DCLK2: variants seen among roughly 807,000 people sequenced by gnomAD.
The protein encoded by DCLK2 is doublecortin like kinase 2.
Under a neutral mutation model 78.4 loss-of-function variants are expected in DCLK2, and 31 were observed. The observed-to-expected ratio is 0.40, with a 90% CI of 0.30 to 0.53. The LOEUF (loss-of-function observed/expected upper bound fraction) is 0.53. Among genes scored for constraint, DCLK2 ranks in the 20% least tolerant of loss-of-function variants. The pLI is 0.61. For synonymous variants in DCLK2, 407 were observed against 374.9 expected, an observed-to-expected ratio of 1.09 and a Z score of -0.99; for missense variants, 872 against 973.7, an observed-to-expected ratio of 0.90 and a Z score of 1.39.
chr4:150,184,266 T>C (rs187157457), intron 2 of DCLK2, among the ~76,000 whole-genome samples: 11 of 152,308 alleles, frequency 7.2e-5, no homozygotes, highest in Non-Finnish European at 1.3e-4. Context: ...GAAGATTTCT[T>C]TGAGGACATG....
intron 7 of DCLK2, among the ~76,000 whole-genome samples, chr4:150,222,886 A>G (rs887766494): frequency 6.6e-6 from 1 of 151,912 alleles, no homozygotes; most frequent in Non-Finnish European, 1.5e-5. Context: ...AAAAAATCAC[A>G]ATCAGCCTAC....
chr4:150,253,162 G>C (rs1164672623), intron 15 of DCLK2: 2 of 472,968 alleles, frequency 4.2e-6, no homozygotes, highest in African/African-American at 4.0e-5. Context: ...CTTCGGAACA[G>C]TTTTAAGTGT....
chr4:150,191,353 A>G (rs6535720), intron 2 of DCLK2, among the ~76,000 whole-genome samples: 133,106 of 151,720 alleles, frequency 0.88, 58,775 homozygotes, highest in Middle Eastern at 0.96. Flanking sequence ...ACCCTTGCAA[A>G]CAGAAATGAC....
chr4:150,183,401 C>CAATAA (rs1737672615), intron 2 of DCLK2, among the ~76,000 whole-genome samples: 1 of 152,086 alleles, frequency 6.6e-6, no homozygotes, highest in Admixed American at 6.6e-5. Context: ...TCAAATCATC[C>CAATAA]TGAAATAATA....
chr4:150,141,109 T>C (rs1420274755), intron 2 of DCLK2, among the ~76,000 whole-genome samples: 4 of 152,214 alleles, frequency 2.6e-5, no homozygotes, highest in Non-Finnish European at 2.9e-5. Flanking sequence ...TGGCATGGCA[T>C]TTCCTTAGCC....
chr4:150,220,964 A>G (rs1741144676), intron 6 of DCLK2, among the ~76,000 whole-genome samples, 186 bp downstream of exon 6: 1 of 152,198 alleles, frequency 6.6e-6, no homozygotes, highest in African/African-American at 2.4e-5. Flanking sequence ...GAAAAATCTC[A>G]TTGTCATTAA....
intron 1 of DCLK2, among the ~76,000 whole-genome samples, chr4:150,079,657 TAAAG>T (rs997799037): frequency 1.1e-4 from 17 of 152,226 alleles, no homozygotes; most frequent in African/African-American, 3.1e-4. Flanking sequence ...GTTTGTCTCT[TAAAG>T]AAGGAAAAAA....
chr4:150,081,212 A>G (rs944669374), intron 1 of DCLK2, among the ~76,000 whole-genome samples: 3 of 152,230 alleles, frequency 2.0e-5, no homozygotes, highest in Non-Finnish European at 2.9e-5. Flanking sequence ...AAATTTTAAC[A>G]GTGGATTTAC....
At chr4:150,106,666 T>C (rs1049091236) in intron 2 of DCLK2, among the ~76,000 whole-genome samples, 1 of 152,240 alleles carries the variant, frequency 6.6e-6, no homozygotes, top group African/African-American at 2.4e-5. Flanking sequence ...GACTGCATCA[T>C]GACACCTGTG....
intron 1 of DCLK2, among the ~76,000 whole-genome samples, chr4:150,081,827 A>G (rs2150127557): frequency 3.2e-5 from 2 of 62,012 alleles, no homozygotes; most frequent in South Asian, 6.9e-4. Flanking sequence ...CCCCATCTCT[A>G]CTTAAAAAAA....
intron 1 of DCLK2, among the ~76,000 whole-genome samples, chr4:150,081,692 A>AT (rs796693830): frequency 5.7e-4 from 85 of 150,372 alleles, no homozygotes; most frequent in South Asian, 2.8e-3. Flanking sequence ...TAGCAATGCA[A>AT]TTTTTTTTTT....
intron 12 of DCLK2, among the ~76,000 whole-genome samples, chr4:150,241,461 T>C (rs1037862542): frequency 6.6e-6 from 1 of 152,152 alleles, no homozygotes; most frequent in African/African-American, 2.4e-5. Flanking sequence ...ACCATGCATG[T>C]TCTGTTTTCT....
chr4:150,232,266 T>C (rs1580764543), intron 8 of DCLK2, 71 bp from the exon 9 acceptor site: 57 of 1,554,182 alleles, frequency 3.7e-5, no homozygotes, highest in Non-Finnish European at 4.8e-5. Context: ...TTTGTTTTGC[T>C]GTCCTCCAGG....
rs186248869 is a variant in DCLK2 at position 150,172,396 on chromosome 4, G to A, written c.757-20742G>A. Among the ~76,000 whole-genome samples the A allele has an allele frequency of 3.4e-3, 513 of 151,988 alleles. 2 individuals carry two copies. Among genetic ancestry groups the A allele is most frequent in the Admixed American group, 7.8e-3 (119 of 15,256 alleles). Reference sequence around the variant, plus strand: ...AGGCGGGTGGATTACGAGGTCAGGAGATTGAGACCATCCTGGCTAACATGG... The same window carrying A: ...AGGCGGGTGGATTACGAGGTCAGGAAATTGAGACCATCCTGGCTAACATGG... On this transcript the variant is annotated intron_variant, in intron 2 of 15. Coordinates refer to ENST00000296550, the MANE Select transcript of DCLK2 (RefSeq NM_001040260.4).
intron 15 of DCLK2, among the ~76,000 whole-genome samples, chr4:150,250,378 A>G (rs1320595477): frequency 2.6e-5 from 4 of 152,142 alleles, no homozygotes; most frequent in Non-Finnish European, 1.5e-5. Flanking sequence ...ACATTGAACC[A>G]GAGGTGAGGG....
chr4:150,219,141 T>C (rs963460271), intron 5 of DCLK2, among the ~76,000 whole-genome samples: 1 of 151,850 alleles, frequency 6.6e-6, no homozygotes. Flanking sequence ...GAGGTGGAGA[T>C]TGCAGTGAGC....
intron 1 of DCLK2, among the ~76,000 whole-genome samples, chr4:150,101,887 T>A (rs1039558781): frequency 6.6e-6 from 1 of 152,220 alleles, no homozygotes; most frequent in Admixed American, 6.5e-5. Context: ...AGCTGAGGTA[T>A]ATTTCTTTTA....
At chr4:150,087,605 G>A (rs897046961) in intron 1 of DCLK2, among the ~76,000 whole-genome samples, 24 of 152,180 alleles carry the variant, frequency 1.6e-4, no homozygotes, top group Non-Finnish European at 2.9e-5. Flanking sequence ...ATTCAACAAA[G>A]TATGGACAGC....
chr4:150,090,703 G>A (rs1217260528), intron 1 of DCLK2, among the ~76,000 whole-genome samples: 1 of 152,072 alleles, frequency 6.6e-6, no homozygotes, highest in Non-Finnish European at 1.5e-5. Context: ...CTAAAACATG[G>A]ATTTGTGGAC....
Sources: allele counts gnomAD v4.1 joint callset (sites outside exome capture counted in the v4.1 genomes callset), GRCh38; gene constraint gnomAD v4.1.1; transcripts MANE v1.5; gene names NCBI Gene and HGNC (gene_info 2026-07-23, HGNC 2026-07-21).